UTS2: variants seen among roughly 807,000 people sequenced by gnomAD.
The protein encoded by UTS2 is urotensin 2.
A neutral mutation model predicts 12.6 loss-of-function variants in UTS2; 10 were observed. The ratio of observed to expected loss-of-function variants is 0.80; its 90% CI spans 0.49 to 1.35. The LOEUF (loss-of-function observed/expected upper bound fraction) is 1.35, where lower values mean the gene tolerates loss of function less well. Ranked by LOEUF, UTS2 falls within the 40% of genes most tolerant of loss-of-function variation. The probability of loss-of-function intolerance (pLI) is 0.00; values close to 1 mark genes in which losing one functional copy is unlikely to be tolerated. For missense variants in UTS2, 142 were observed against 143.2 expected, an observed-to-expected ratio of 0.99 and a Z score of 0.04; for synonymous variants, 52 against 50.0, an observed-to-expected ratio of 1.04 and a Z score of -0.17.
the UTS2 span, among the ~76,000 whole-genome samples, chr1:7,884,874 T>C: frequency 6.7e-6 from 1 of 150,342 alleles, no homozygotes. Flanking sequence ...CACCCACCCA[T>C]CCATCCACCC....
At chr1:7,885,193 C>T in the UTS2 span, among the ~76,000 whole-genome samples, 3 of 152,152 alleles carry the variant, frequency 2.0e-5, no homozygotes, top group African/African-American at 7.2e-5. Context: ...ATATAATTCT[C>T]ATTTGGAAAG....
At chr1:7,892,050 C>A in the UTS2 span, among the ~76,000 whole-genome samples, 2 of 152,188 alleles carry the variant, frequency 1.3e-5, no homozygotes, top group Non-Finnish European at 2.9e-5. Flanking sequence ...GCTGGGAGGA[C>A]CGGCCAGCGG....
chr1:7,853,297 G>A, upstream of UTS2: 1 of 1,614,042 alleles, frequency 6.2e-7, no homozygotes, highest in South Asian at 1.1e-5. Flanking sequence ...TGGCAAAAGA[G>A]GCAACTTACA....
the UTS2 span, among the ~76,000 whole-genome samples, chr1:7,883,748 C>T: frequency 6.6e-6 from 1 of 152,178 alleles, no homozygotes; most frequent in Non-Finnish European, 1.5e-5. Context: ...TGATAGTCAG[C>T]AGCCATCAAC....
chr1:7,871,387 C>T, the UTS2 span, among the ~76,000 whole-genome samples: 9 of 152,140 alleles, frequency 5.9e-5, no homozygotes, highest in Non-Finnish European at 1.3e-4. Context: ...GGGGCAGCCC[C>T]AGCATCCTCC....
In UTS2 at chr1:7,847,758, A is replaced by G; in HGVS notation, c.*8T>C. The G allele has an allele frequency of 6.3e-7, 1 of 1,593,686 alleles. No individual in the cohort carries two copies. Among genetic ancestry groups the G allele is most frequent in the Non-Finnish European group, 8.6e-7 (1 of 1,164,420 alleles). On this transcript the variant is annotated 3_prime_UTR_variant, in exon 4 of 4. Coordinates refer to ENST00000361696, the MANE Select transcript of UTS2 (RefSeq NM_006786.4). ...TTTCTGAGCTGACTAACAGATGCTT[A>G]TTTCACTTCAGACACAGTATTTCCA... is the stretch of plus-strand genomic sequence containing the variant.
chr1:7,893,659 A>G, the UTS2 span, among the ~76,000 whole-genome samples: 2 of 152,134 alleles, frequency 1.3e-5, no homozygotes, highest in African/African-American at 4.8e-5. Flanking sequence ...TGAGCTGAAT[A>G]TTGACTGGCC....
upstream of UTS2, among the ~76,000 whole-genome samples, chr1:7,856,281 G>A (rs1638304518): frequency 1.3e-5 from 2 of 152,218 alleles, no homozygotes; most frequent in Admixed American, 1.3e-4. Context: ...TGAACTTTCT[G>A]ACTGGAGGCG....
chr1:7,887,298 T>C, the UTS2 span, among the ~76,000 whole-genome samples: 1 of 151,844 alleles, frequency 6.6e-6, no homozygotes, highest in East Asian at 2.0e-4. Flanking sequence ...GGCAACACCC[T>C]GCAGTGTGTC....
the UTS2 span, among the ~76,000 whole-genome samples, chr1:7,895,430 T>G: frequency 6.6e-6 from 1 of 152,132 alleles, no homozygotes; most frequent in Non-Finnish European, 1.5e-5. Flanking sequence ...AGTGATCTTT[T>G]TTCCCCCTTA....
At chr1:7,881,670 T>G in the UTS2 span, among the ~76,000 whole-genome samples, 2 of 152,146 alleles carry the variant, frequency 1.3e-5, no homozygotes, top group African/African-American at 2.4e-5. Context: ...TGTTCATGGA[T>G]CAGAAGAATT....
At chr1:7,864,722 T>TA in the UTS2 span, among the ~76,000 whole-genome samples, 1 of 152,332 alleles carries the variant, frequency 6.6e-6, no homozygotes, top group Middle Eastern at 3.4e-3. Context: ...GAGGGGTAGG[T>TA]AAGTATCAGT....
the UTS2 span, among the ~76,000 whole-genome samples, chr1:7,862,158 C>A: frequency 1.3e-4 from 19 of 151,886 alleles, no homozygotes; most frequent in Non-Finnish European, 2.5e-4. Context: ...GGTGATTCCC[C>A]CCCCGCCCCC....
intron 1 of UTS2, among the ~76,000 whole-genome samples, chr1:7,852,470 TATCAG>T (rs2097415139): frequency 6.7e-6 from 1 of 150,350 alleles, no homozygotes; most frequent in African/African-American, 2.4e-5. Context: ...GTAGAACACA[TATCAG>T]ATGATTTTTT....
chr1:7,885,872 CG>C, the UTS2 span, among the ~76,000 whole-genome samples: 5 of 105,412 alleles, frequency 4.7e-5, no homozygotes, highest in African/African-American at 1.5e-4. Context: ...AGGGGCTTAT[CG>C]GGCCAGAGGC....
At chr1:7,889,037 C>T in the UTS2 span, among the ~76,000 whole-genome samples, 2 of 150,764 alleles carry the variant, frequency 1.3e-5, no homozygotes, top group Admixed American at 6.6e-5. Flanking sequence ...TAAAGGGAAA[C>T]GCTCAACATA....
chr1:7,891,681 TC>T, the UTS2 span, among the ~76,000 whole-genome samples: 1 of 134,400 alleles, frequency 7.4e-6, no homozygotes, highest in Admixed American at 1.0e-4. Flanking sequence ...TTAGTTTGCT[TC>T]AGCCATTCCA....
the UTS2 span, among the ~76,000 whole-genome samples, chr1:7,872,271 G>T: frequency 8.6e-6 from 1 of 115,956 alleles, no homozygotes; most frequent in Non-Finnish European, 1.6e-5. Flanking sequence ...CTGCACTCCA[G>T]CCTGGGCAAC....
In UTS2 at chr1:7,847,844, C is replaced by G; in HGVS notation, c.297G>C (p.Leu99=). 6.2e-7 allele frequency: 1 copy of G among 1,613,482 alleles called. No individual in the cohort carries two copies. Among genetic ancestry groups the G allele is most frequent in the South Asian group, 1.1e-5 (1 of 91,032 alleles). The change falls in exon 4 of 4, where the codon CTG becomes CTC. Residue 99 remains leucine (L), a synonymous_variant. Transcript: ENST00000361696. ...TCCAGATTCTGGCCAAAAGATGACTCAGTAAAATGTTAGGATCTTGTCCAG... is the reference window on the plus strand; with the variant it reads ...TCCAGATTCTGGCCAAAAGATGACTGAGTAAAATGTTAGGATCTTGTCCAG... ...DFSGQDPNIL[L]SHLLARIWKP...
Sources: gnomAD v4.1 joint callset for allele counts (sites outside exome capture counted in the v4.1 genomes callset) on GRCh38, gnomAD v4.1.1 for gene constraint, MANE v1.5 for transcripts, NCBI Gene and HGNC (gene_info 2026-07-23, HGNC 2026-07-21) for gene names.